The following OTOGL variants were observed in gnomAD, a reference collection of about 807,000 sequenced individuals.
The protein encoded by OTOGL is otogelin like, also known as otogelin-like protein.
In OTOGL, 285 loss-of-function variants were observed where a neutral mutation model predicts 318.5. The ratio of observed to expected loss-of-function variants is 0.89; its 90% confidence interval spans 0.81 to 0.99. The LOEUF is 0.99. Among genes scored for constraint, OTOGL ranks in the 50% least tolerant of loss-of-function variants. The probability of loss-of-function intolerance (pLI) is 0.00; values close to 1 mark genes in which losing one functional copy is unlikely to be tolerated. For synonymous variants in OTOGL, 987 were observed against 936.5 expected (o/e 1.05, Z -0.99); for missense variants, 2,899 against 2,845.6 (o/e 1.02, Z -0.43).
chr12:80,103,221 A>T, intron 1 of OTOGL: 3 of 1,448,402 alleles, frequency 2.1e-6, no homozygotes, highest in Non-Finnish European at 2.9e-6. Flanking sequence ...CTTCTGTCTC[A>T]GCTCTTTGGA....
chr12:80,164,153 G>A (rs1024148124), intron 1 of OTOGL, among the ~76,000 whole-genome samples: 2 of 152,078 alleles, frequency 1.3e-5, no homozygotes, highest in Non-Finnish European at 2.9e-5. Context: ...AGAGATTAAC[G>A]ATATCTATAT....
chr12:80,165,656 G>A (rs1394494288), intron 1 of OTOGL, among the ~76,000 whole-genome samples: 2 of 152,198 alleles, frequency 1.3e-5, no homozygotes, highest in African/African-American at 2.4e-5. Flanking sequence ...CCTGCCCTGC[G>A]GGCCTGAGGT....
Position 80,377,831 on chromosome 12 carries a change from ATT to A in OTOGL, c.6862-16_6862-15del, listed in dbSNP as rs1488656287. On this transcript the variant is annotated splice_polypyrimidine_tract_variant and intron_variant, in intron 58 of 58. Coordinates refer to ENST00000547103, the MANE Select transcript of OTOGL (RefSeq NM_001378609.3). ...TTAAAAGTTTAAGACTTTTTTTCTC[ATT>A]GTCACTTCTTACAGATAAATGTTGC... The A allele has an allele frequency of 5.1e-6, 8 of 1,577,362 alleles. No homozygotes were observed. The highest frequency in any genetic ancestry group is 1.4e-5 in the African/African-American group (1 of 73,836).
At chr12:80,282,725 T>C (rs1040622542) in intron 26 of OTOGL, among the ~76,000 whole-genome samples, 2 of 151,922 alleles carry the variant, frequency 1.3e-5, no homozygotes, top group African/African-American at 4.8e-5. Flanking sequence ...GTTTAGAAAT[T>C]TGAACACATA....
intron 5 of OTOGL, among the ~76,000 whole-genome samples, chr12:80,217,951 C>A (rs1033741967): frequency 6.6e-6 from 1 of 152,064 alleles, no homozygotes; most frequent in African/African-American, 2.4e-5. Context: ...CTCTTTGATC[C>A]CTGTTTTTTG....
At chr12:80,145,381 T>G (rs1322661866) in intron 1 of OTOGL, among the ~76,000 whole-genome samples, 2 of 152,132 alleles carry the variant, frequency 1.3e-5, no homozygotes, top group Admixed American at 6.5e-5. Context: ...TATGCGGCGT[T>G]ATTTCTGAGG....
chr12:80,330,474 G>A (rs1429563981), intron 37 of OTOGL, among the ~76,000 whole-genome samples: 1 of 152,146 alleles, frequency 6.6e-6, no homozygotes, highest in Non-Finnish European at 1.5e-5. Flanking sequence ...CAATTTATAA[G>A]GGGAATAAGT....
chr12:80,151,923 T>A (rs1872808029), intron 1 of OTOGL, among the ~76,000 whole-genome samples: 1 of 152,242 alleles, frequency 6.6e-6, no homozygotes, highest in African/African-American at 2.4e-5. Flanking sequence ...TGCAGTTCAC[T>A]TTACAGGTAT....
intron 13 of OTOGL, 131 bp from the exon 14 acceptor site, chr12:80,253,335 G>GA (rs1881739055): frequency 2.5e-6 from 2 of 785,390 alleles, no homozygotes; most frequent in Non-Finnish European, 4.1e-6. Flanking sequence ...TAATCCCACT[G>GA]AAAGTAAAGA....
In OTOGL at chr12:80,266,501, C is replaced by T. The variant is rs1347052101; in HGVS notation, c.2275C>T (p.Leu759Phe). The change falls in exon 21 of 59, where the codon CTC (leucine) becomes TTC (phenylalanine). Residue 759 changes from leucine (L) to phenylalanine (F), a missense_variant. Coordinates refer to ENST00000547103, the MANE Select transcript of OTOGL (RefSeq NM_001378609.3). ...MLYHHCSSFC[L>F]HSCISLSSPE... is the part of the protein sequence containing the mutation. ...GTACCATCACTGTTCCTCGTTCTGC[C>T]TCCATTCCTGCATTTCTCTCTCTTC... 6.2e-7 allele frequency: 1 copy of T among 1,613,436 alleles called. No homozygotes were observed. Among genetic ancestry groups the T allele is most frequent in the African/African-American group, 1.3e-5 (1 of 74,886 alleles).
intron 1 of OTOGL, among the ~76,000 whole-genome samples, chr12:80,160,065 T>C (rs1354299524): frequency 6.6e-6 from 1 of 152,106 alleles, no homozygotes; most frequent in Non-Finnish European, 1.5e-5. Flanking sequence ...AGAAACTGGA[T>C]TCTCATCTCT....
Position 80,323,777 on chromosome 12 carries a change from G to A in OTOGL, c.4136G>A (p.Cys1379Tyr), listed in dbSNP as rs180943308. The part of the protein sequence containing the change: ...RKMCEWRYEP[C>Y]ATPCFKTCSD... ...ATGTGTGAATGGAGATATGAACCTT[G>A]TGCTACACCCTGTTTTAAAACATGT... Residue 1379 changes from cysteine (C) to tyrosine (Y), a missense_variant, in exon 35 of 59, where the codon TGT (cysteine) becomes TAT (tyrosine). Cys to Tyr is a radical substitution (Grantham distance 194). Around this residue, in one of 3 missense-constraint regions of OTOGL, gnomAD observed 2,607 missense variants for 2,524.9 expected, o/e 1.03. Transcript: ENST00000547103. The A allele has an allele frequency of 3.3e-5, 53 of 1,613,948 alleles. No individual in the cohort carries two copies. The highest frequency in any genetic ancestry group is 3.0e-4 in the Admixed American group (18 of 60,020).
chr12:80,244,999 G>A (rs1387206782), intron 11 of OTOGL, among the ~76,000 whole-genome samples: 1 of 148,692 alleles, frequency 6.7e-6, no homozygotes, highest in African/African-American at 2.6e-5. Flanking sequence ...CCCACTTTTT[G>A]ATGGGGTTGT....
At chr12:80,344,196 T>A (rs993750475) in intron 44 of OTOGL, among the ~76,000 whole-genome samples, 2 of 152,222 alleles carry the variant, frequency 1.3e-5, no homozygotes, top group Admixed American at 6.5e-5. Context: ...ACTTTAAAAC[T>A]CATTCAGTAC....
In OTOGL at chr12:80,265,415, A is replaced by G. The variant is rs1233406575; in HGVS notation, c.2224+205A>G. ...TGGATAAGACCAATAACTTTTGACT[A>G]GTTTTGTAATAAACGAAATTATTGT... On this transcript the variant is annotated intron_variant, in intron 20 of 58. Coordinates refer to ENST00000547103, the MANE Select transcript of OTOGL (RefSeq NM_001378609.3). 8.3e-6 allele frequency: 5 copies of G among 602,080 alleles called. 1 individual carries two copies. Among genetic ancestry groups the G allele is most frequent in the South Asian group, 2.3e-5 (1 of 43,808 alleles). The allele number at this position is 602,080 out of a possible 1,614,324, so 37.3% of individuals were successfully genotyped here. A position where few individuals can be genotyped will look rare whatever the true frequency, so the allele number is the denominator to read the frequency against.
At chr12:80,329,701 G>C (rs1320214001) in intron 37 of OTOGL, among the ~76,000 whole-genome samples, 1 of 152,158 alleles carries the variant, frequency 6.6e-6, no homozygotes, top group African/African-American at 2.4e-5. Flanking sequence ...TCACAGTGAG[G>C]CTCAACAAAC....
At chr12:80,233,179 TG>T in intron 9 of OTOGL, 82 bp downstream of exon 9, 1 of 1,286,384 alleles carries the variant, frequency 7.8e-7, no homozygotes, top group Middle Eastern at 2.0e-4. Context: ...CCAGAAGACT[TG>T]TCATAGCTTT....
intron 26 of OTOGL, among the ~76,000 whole-genome samples, chr12:80,292,152 C>G (rs978012979): frequency 9.9e-5 from 15 of 152,022 alleles, no homozygotes; most frequent in Admixed American, 5.9e-4. Flanking sequence ...CCACACCTGG[C>G]TAATTTTGTA....
At chr12:80,136,199 C>T (rs543868297) in intron 1 of OTOGL, among the ~76,000 whole-genome samples, 1 of 152,106 alleles carries the variant, frequency 6.6e-6, no homozygotes, top group Non-Finnish European at 1.5e-5. Context: ...TCCCTTCTTT[C>T]TCTCTTGGTC....
Sources: gnomAD v4.1 joint callset for allele counts (sites outside exome capture counted in the v4.1 genomes callset) on GRCh38, gnomAD v4.1.1 for gene constraint, gnomAD v4.1.1 regional missense constraint, MANE v1.5 for transcripts, NCBI Gene and HGNC (gene_info 2026-07-23, HGNC 2026-07-21) for gene names.